The following ATP9A variants were observed in gnomAD, a reference collection of about 807,000 sequenced individuals.
The protein encoded by ATP9A is probable phospholipid-transporting ATPase IIA.
Under a neutral mutation model 144.1 loss-of-function variants are expected in ATP9A, and 52 were observed. The observed-to-expected ratio is 0.36, with a 90% CI of 0.29 to 0.45. The LOEUF is 0.45. ATP9A is among the 20% of genes least tolerant of loss of function. The pLI, the probability that ATP9A is intolerant of heterozygous loss-of-function variation, is 1.00. For synonymous variants in ATP9A, 582 were observed against 557.4 expected, an observed-to-expected ratio of 1.04 and a Z score of -0.62; for missense variants, 947 against 1,392.7, an observed-to-expected ratio of 0.68 and a Z score of 5.09.
At chr20:51,617,406 CAGAAGGCTT>C in intron 22 of ATP9A, 75 bp downstream of exon 22, 1 of 1,383,692 alleles carries the variant, frequency 7.2e-7, no homozygotes, top group Non-Finnish European at 1.0e-6. Flanking sequence ...CTGGAATTTC[CAGAAGGCTT>C]AAAGCTGTGT....
chr20:51,638,669 C>G (rs937885286), intron 15 of ATP9A, among the ~76,000 whole-genome samples: 1 of 152,160 alleles, frequency 6.6e-6, no homozygotes, highest in Admixed American at 6.5e-5. Context: ...TTGAGACCAG[C>G]CTGGGCAGCA....
chr20:51,653,034 C>T (rs1298358022), intron 14 of ATP9A, among the ~76,000 whole-genome samples: 1 of 149,216 alleles, frequency 6.7e-6, no homozygotes, highest in African/African-American at 2.5e-5. Flanking sequence ...GTTGTGAACC[C>T]GGGAGGCAGA....
At position 51,642,479 on chromosome 20, in the gene ATP9A, C is replaced by T. The variant is rs147196492; in HGVS notation, c.1507-2975G>A. On this transcript the variant is annotated intron_variant, in intron 14 of 27. Coordinates refer to ENST00000338821, the MANE Select transcript of ATP9A (RefSeq NM_006045.3). The stretch of plus-strand genomic sequence containing the variant: ...GGCCAGCATCTGTTTTAAAATGAAA[C>T]AAATAGATTTTCTTACAGTTCTATA... 6.6e-3 allele frequency among the ~76,000 whole-genome samples: 1,004 copies of T among 152,030 alleles called. 17 individuals carry two copies. The highest frequency in any genetic ancestry group is 0.023 in the African/African-American group (959 of 41,468).
chr20:51,602,881 T>A lies in ATP9A; in HGVS notation c.3008-1534A>T, dbSNP rs915755792. On this transcript the variant is annotated intron_variant, in intron 27 of 27. Transcript: ENST00000338821. ...GTGTATCTGTTTATAATATTATATA[T>A]ACATCTCCTTTATACGTAAAAGGTT... Among the ~76,000 whole-genome samples the A allele has an allele frequency of 8.5e-5, 13 of 152,318 alleles. No individual in the cohort carries two copies. The East Asian group carries it at 2.5e-3, about 29-fold the overall frequency.
intron 7 of ATP9A, 142 bp from the exon 8 acceptor site, chr20:51,690,961 G>C (rs1029286543): frequency 2.2e-4 from 155 of 703,800 alleles, no homozygotes; most frequent in Non-Finnish European, 4.5e-5. Flanking sequence ...GTGGAAAGAA[G>C]AGGAAAGTCC....
At chr20:51,603,666 C>A (rs372614805) in intron 27 of ATP9A, among the ~76,000 whole-genome samples, 64 of 152,252 alleles carry the variant, frequency 4.2e-4, no homozygotes, top group African/African-American at 1.2e-3. Context: ...GCTGGACAAG[C>A]CCAAGAGTAC....
chr20:51,674,464 C>T, intron 10 of ATP9A, 151 bp from the exon 11 acceptor site: 2 of 693,880 alleles, frequency 2.9e-6, no homozygotes, highest in Non-Finnish European at 2.4e-6. Context: ...ACACCTCTAC[C>T]CCAGGTAGGA....
chr20:51,668,195 C>T lies in ATP9A; in HGVS notation c.1293+1802G>A, dbSNP rs1324760144. ...GGAGAAGGAAAAAAAAAAAAAAGGC[C>T]GAAGGGGTGATCTAGTGATCGGGTG... On this transcript the variant is annotated intron_variant, in intron 13 of 27. Transcript: ENST00000338821. Among the ~76,000 whole-genome samples, 4 of 133,234 alleles carry T rather than the reference C, an allele frequency of 3.0e-5. No homozygotes were observed. The East Asian group carries it at 7.1e-4, about 24-fold the overall frequency. The allele number at this position is 133,234 out of a possible 152,430, so 87.4% of individuals were successfully genotyped here.
At chr20:51,606,924 A>T (rs1042000168) in intron 26 of ATP9A, among the ~76,000 whole-genome samples, 5 of 150,600 alleles carry the variant, frequency 3.3e-5, no homozygotes, top group African/African-American at 1.2e-4. Flanking sequence ...AATATATTTT[A>T]TAAGTATATA....
In ATP9A at chr20:51,657,076, C is replaced by T. The variant is rs977730301; in HGVS notation, c.1368G>A (p.Val456=). 1 of 1,614,182 alleles carries T rather than the reference C, an allele frequency of 6.2e-7. No homozygotes were observed. The highest frequency in any genetic ancestry group is 8.5e-7 in the Non-Finnish European group (1 of 1,180,036). Residue 456 remains valine, a synonymous_variant, in exon 14 of 28, where the codon GTG becomes GTA. Transcript: ENST00000338821. ...TKVRRTMSSR[V]HEAVKAIALC... is the part of the protein sequence containing the mutation. Reference sequence around the variant, plus strand: ...GCGCGATGGCCTTCACGGCTTCGTGCACGCGGCTGCTCATGGTCCGCCGGA... The same window carrying T: ...GCGCGATGGCCTTCACGGCTTCGTGTACGCGGCTGCTCATGGTCCGCCGGA...
chr20:51,752,310 C>T (rs2077836024), intron 1 of ATP9A, among the ~76,000 whole-genome samples: 1 of 152,164 alleles, frequency 6.6e-6, no homozygotes, highest in African/African-American at 2.4e-5. Context: ...ATACCTAAGA[C>T]AGTGATGCTG....
At chr20:51,740,017 G>A (rs2077778334) in intron 1 of ATP9A, among the ~76,000 whole-genome samples, 1 of 152,092 alleles carries the variant, frequency 6.6e-6, no homozygotes, top group Non-Finnish European at 1.5e-5. Context: ...AATAGCTTTT[G>A]TTGTACTTTA....
intron 9 of ATP9A, among the ~76,000 whole-genome samples, chr20:51,686,862 G>A (rs1054657364): frequency 1.3e-5 from 2 of 151,916 alleles, no homozygotes; most frequent in African/African-American, 4.8e-5. Flanking sequence ...GTGAACCTGG[G>A]AGGCGGAGGT....
At chr20:51,608,656 C>G (rs1055464143) in intron 24 of ATP9A, 30 bp from the exon 25 acceptor site, 1 of 1,413,692 alleles carries the variant, frequency 7.1e-7, no homozygotes, top group East Asian at 2.3e-5. Flanking sequence ...TAGGTAAGAC[C>G]TGGCTGACGC....
chr20:51,717,393 T>C (rs2077667045), intron 3 of ATP9A, among the ~76,000 whole-genome samples: 1 of 152,070 alleles, frequency 6.6e-6, no homozygotes, highest in Non-Finnish European at 1.5e-5. Context: ...GCTGTCTAAT[T>C]TTTCACCACA....
At chr20:51,673,226 T>A (rs1478099152) in intron 11 of ATP9A, among the ~76,000 whole-genome samples, 1 of 151,802 alleles carries the variant, frequency 6.6e-6, no homozygotes, top group Non-Finnish European at 1.5e-5. Context: ...ATACAAAAAT[T>A]AGCCAAGCGT....
chr20:51,683,813 G>A (rs577627034), intron 9 of ATP9A, among the ~76,000 whole-genome samples: 2 of 152,256 alleles, frequency 1.3e-5, no homozygotes, highest in South Asian at 2.1e-4. Context: ...CTGACCTGAG[G>A]TAATATTCCC....
At chr20:51,762,904 G>C (rs1381722788) in intron 1 of ATP9A, among the ~76,000 whole-genome samples, 1 of 151,550 alleles carries the variant, frequency 6.6e-6, no homozygotes, top group Admixed American at 6.6e-5. Context: ...ATTTTTTGTA[G>C]AGACAGGGTT....
intron 2 of ATP9A, among the ~76,000 whole-genome samples, chr20:51,727,436 A>G (rs559921741): frequency 1.3e-5 from 2 of 152,032 alleles, no homozygotes; most frequent in South Asian, 2.1e-4. Flanking sequence ...AAATACAAAT[A>G]TTAGCCAAGA....
Sources: gnomAD v4.1 joint callset for allele counts (sites outside exome capture counted in the v4.1 genomes callset) on GRCh38, gnomAD v4.1.1 for gene constraint, MANE v1.5 for transcripts, NCBI Gene and HGNC (gene_info 2026-07-23, HGNC 2026-07-21) for gene names.